ZNF680: variants seen among roughly 807,000 people sequenced by gnomAD.
ZNF680 encodes zinc finger protein 680.
ZNF680 carries 6 observed loss-of-function variants against 12.1 expected under a neutral mutation model. The observed-to-expected ratio is 0.49, with a 90% CI of 0.27 to 0.98. The LOEUF is 0.98. Among genes scored for constraint, ZNF680 ranks in the 50% least tolerant of loss-of-function variants. The pLI is 0.12. For missense variants in ZNF680, 561 were observed against 616.3 expected, an observed-to-expected ratio of 0.91 and a Z score of 0.95; for synonymous variants, 170 against 199.3, an observed-to-expected ratio of 0.85 and a Z score of 1.24.
In ZNF680 at chr7:64,521,849, G is replaced by A. The variant is rs763330288; in HGVS notation, c.905C>T (p.Ala302Val). 1.2e-6 allele frequency: 2 copies of A among 1,613,166 alleles called. No homozygotes were observed. The highest frequency in any genetic ancestry group is 8.5e-7 in the Non-Finnish European group (1 of 1,179,658). ...KPYKCDECHK[A>V]FNWFATLTNH... ...AGTAAGGGTTGCAAACCAGTTAAAG[G>A]CTTTGTGACATTCATCACATTTGTA... The change falls in exon 4 of 4, where the codon GCC becomes GTC. Residue 302 changes from alanine (A) to valine (V), a missense_variant. By Grantham distance (64) the Ala-to-Val change is moderately conservative (BLOSUM62 0). Transcript: ENST00000309683.
chr7:64,500,984 T>C, the ZNF680 span: 2 of 670,324 alleles, frequency 3.0e-6, no homozygotes, highest in Non-Finnish European at 5.6e-6. Context: ...GGGCTTTGCC[T>C]TTGTTCAACA....
At chr7:64,549,130 A>G (rs1217589165) in intron 1 of ZNF680, among the ~76,000 whole-genome samples, 1 of 151,830 alleles carries the variant, frequency 6.6e-6, no homozygotes, top group Non-Finnish European at 1.5e-5. Flanking sequence ...AAAAAAAGAA[A>G]AAAAAAAAAA....
the ZNF680 span, chr7:64,501,170 T>C: frequency 1.1e-6 from 1 of 870,220 alleles, no homozygotes; most frequent in Non-Finnish European, 1.9e-6. Flanking sequence ...CCATCGCCTC[T>C]ATTCAGCTCC....
At chr7:64,560,111 T>C (rs1207918481) in intron 1 of ZNF680, among the ~76,000 whole-genome samples, 1 of 119,678 alleles carries the variant, frequency 8.4e-6, no homozygotes, top group Non-Finnish European at 1.7e-5. Flanking sequence ...TCATTTTCTT[T>C]TCTGTTTTTT....
At chr7:64,551,138 G>A (rs574137980) in intron 1 of ZNF680, among the ~76,000 whole-genome samples, 111 of 152,220 alleles carry the variant, frequency 7.3e-4, no homozygotes, top group African/African-American at 2.5e-3. Context: ...GGTAATTGGG[G>A]AGGCCATCCG....
the ZNF680 span, among the ~76,000 whole-genome samples, chr7:64,507,214 G>C: frequency 6.6e-6 from 1 of 152,050 alleles, no homozygotes; most frequent in Non-Finnish European, 1.5e-5. Context: ...GCATAATCTC[G>C]TGTATATGTA....
the ZNF680 span, among the ~76,000 whole-genome samples, chr7:64,506,488 T>A: frequency 2.0e-5 from 3 of 152,006 alleles, no homozygotes; most frequent in Non-Finnish European, 4.4e-5. Context: ...ACACCCAGCC[T>A]AGTCTTTTAG....
At chr7:64,507,866 CACACACACACACA>C in the ZNF680 span, among the ~76,000 whole-genome samples, 1 of 60,410 alleles carries the variant, frequency 1.7e-5, no homozygotes, top group Non-Finnish European at 3.6e-5. Flanking sequence ...CACACACACA[CACACACACACACA>C]TTTTTTTATT....
chr7:64,540,524 C>T (rs1347134420), intron 3 of ZNF680, among the ~76,000 whole-genome samples: 1 of 151,986 alleles, frequency 6.6e-6, no homozygotes, highest in Non-Finnish European at 1.5e-5. Context: ...AGGCTGGTCT[C>T]GAACTCCTGA....
At chr7:64,530,511 T>C (rs754445876) in intron 3 of ZNF680, among the ~76,000 whole-genome samples, 11 of 152,188 alleles carry the variant, frequency 7.2e-5, no homozygotes, top group Non-Finnish European at 1.3e-4. Flanking sequence ...CAGGAGTAGC[T>C]ATTCTTGTAT....
At chr7:64,560,987 T>C (rs1427109425) in intron 1 of ZNF680, 1 of 152,240 alleles carries the variant, frequency 6.6e-6, no homozygotes, top group African/African-American at 2.4e-5. Flanking sequence ...TTTAATTTCC[T>C]TTACAAATTT....
chr7:64,553,637 C>A (rs1020807891), intron 1 of ZNF680, among the ~76,000 whole-genome samples: 1 of 152,236 alleles, frequency 6.6e-6, no homozygotes, highest in African/African-American at 2.4e-5. Context: ...TGATGCCAAG[C>A]CGAGGCTGGA....
intron 3 of ZNF680, among the ~76,000 whole-genome samples, chr7:64,539,739 C>T (rs1033488621): frequency 6.6e-6 from 1 of 152,182 alleles, no homozygotes; most frequent in Non-Finnish European, 1.5e-5. Flanking sequence ...TAGCCTTAAC[C>T]AGGCTGAAGT....
intron 3 of ZNF680, among the ~76,000 whole-genome samples, chr7:64,541,044 CA>C (rs1786475545): frequency 6.6e-6 from 1 of 152,046 alleles, no homozygotes; most frequent in African/African-American, 2.4e-5. Flanking sequence ...ACTTTAGAAG[CA>C]AAACAATAGT....
intron 1 of ZNF680, among the ~76,000 whole-genome samples, chr7:64,555,733 A>ATAT (rs1554334151): frequency 1.1e-5 from 1 of 87,532 alleles, no homozygotes; most frequent in East Asian, 2.2e-4. Flanking sequence ...TGTAAAAAAA[A>ATAT]ATATATATAT....
At chr7:64,526,515 ACT>A (rs940061099) in intron 3 of ZNF680, 15 of 687,696 alleles carry the variant, frequency 2.2e-5, no homozygotes, top group African/African-American at 1.5e-4. Flanking sequence ...ACACAGTAAG[ACT>A]CTGCATATAA....
chr7:64,502,470 A>G, the ZNF680 span, among the ~76,000 whole-genome samples: 1 of 152,158 alleles, frequency 6.6e-6, no homozygotes, highest in African/African-American at 2.4e-5. Flanking sequence ...TATGTGTGTT[A>G]CACCCCCACA....
chr7:64,521,600 T>C lies in ZNF680; in HGVS notation c.1154A>G (p.Lys385Arg), dbSNP rs1293236038. 16 of 1,612,418 alleles carry C rather than the reference T, an allele frequency of 9.9e-6. No individual in the cohort carries two copies. In the East Asian group the frequency reaches 2.9e-4, roughly 29 times the overall value. ...EKSYKCEECG[K>R]AFIQSSNLTE... ...AAGGTTTGAGGACTGTATAAAAGCTTTGCCGCATTCTTCACATTTGTAGGA... is the reference window on the plus strand; with the variant it reads ...AAGGTTTGAGGACTGTATAAAAGCTCTGCCGCATTCTTCACATTTGTAGGA... Residue 385 changes from lysine (K) to arginine (R), a missense_variant, in exon 4 of 4, where the codon AAA becomes AGA. Coordinates refer to ENST00000309683, the MANE Select transcript of ZNF680 (RefSeq NM_178558.5).
intron 1 of ZNF680, among the ~76,000 whole-genome samples, chr7:64,546,206 A>G (rs1316442858): frequency 6.6e-6 from 1 of 152,008 alleles, no homozygotes; most frequent in Non-Finnish European, 1.5e-5. Flanking sequence ...AGGTTTAAGT[A>G]AAAAAAAGAA....
Sources: allele counts gnomAD v4.1 joint callset (sites outside exome capture counted in the v4.1 genomes callset), GRCh38; gene constraint gnomAD v4.1.1; transcripts MANE v1.5; gene names NCBI Gene and HGNC (gene_info 2026-07-23, HGNC 2026-07-21).